Variants in AGBL1 observed in about 807,000 individuals in gnomAD.
AGBL1 encodes the protein cytosolic carboxypeptidase 4.
In AGBL1, 130 loss-of-function variants were observed where a neutral mutation model predicts 118.9. The ratio of observed to expected loss-of-function variants is 1.09; its 90% CI spans 0.95 to 1.26. The LOEUF is 1.26. Ranked by LOEUF, AGBL1 falls within the 50% of genes most tolerant of loss-of-function variation. The pLI, the probability that AGBL1 is intolerant of heterozygous loss-of-function variation, is 0.00. For synonymous variants in AGBL1, 555 were observed against 478.9 expected, an observed-to-expected ratio of 1.16 and a Z score of -2.08; for missense variants, 1,584 against 1,298.1, an observed-to-expected ratio of 1.22 and a Z score of -3.38.
chr15:86,851,516 G>T (rs1054174301), intron 22 of AGBL1, among the ~76,000 whole-genome samples: 1 of 152,148 alleles, frequency 6.6e-6, no homozygotes, highest in Non-Finnish European at 1.5e-5. Context: ...CATTCAGTGG[G>T]CACAACTTTC....
At chr15:86,728,631 T>G (rs1333190846) in intron 22 of AGBL1, among the ~76,000 whole-genome samples, 1 of 152,220 alleles carries the variant, frequency 6.6e-6, no homozygotes, top group Non-Finnish European at 1.5e-5. Context: ...ATGAATTGTT[T>G]TGCATTAAGT....
At chr15:86,886,672 T>C (rs546630025) in intron 22 of AGBL1, among the ~76,000 whole-genome samples, 18 of 152,278 alleles carry the variant, frequency 1.2e-4, no homozygotes, top group Non-Finnish European at 2.2e-4. Context: ...ATCATGGATG[T>C]TTTTATGGAG....
intron 16 of AGBL1, among the ~76,000 whole-genome samples, chr15:86,282,345 T>C (rs1474706957): frequency 1.3e-5 from 2 of 152,228 alleles, no homozygotes; most frequent in Non-Finnish European, 2.9e-5. Context: ...TATTAATAAC[T>C]ATTACTGTTA....
At chr15:86,147,793 G>T (rs1156909450) in intron 3 of AGBL1, among the ~76,000 whole-genome samples, 1 of 152,224 alleles carries the variant, frequency 6.6e-6, no homozygotes, top group Non-Finnish European at 1.5e-5. Context: ...AGAACAGACA[G>T]ACTGCCTCCT....
At chr15:86,881,626 G>C (rs2079892643) in intron 22 of AGBL1, among the ~76,000 whole-genome samples, 1 of 152,074 alleles carries the variant, frequency 6.6e-6, no homozygotes, top group African/African-American at 2.4e-5. Flanking sequence ...GATGGCAGAG[G>C]GGGTAGTGCT....
chr15:86,156,369 C>T lies in AGBL1; in HGVS notation c.394+1808C>T, dbSNP rs553494365. 1.3e-3 allele frequency among the ~76,000 whole-genome samples: 204 copies of T among 152,266 alleles called. 1 individual carries two copies. Among genetic ancestry groups the T allele is most frequent in the South Asian group, 2.7e-3 (13 of 4,814 alleles). ...CTATGCTTGGGCATCCTTGATGTTTCTTTGTGTGTCCAAATTCTCCCTTCT... is the reference window on the plus strand; with the variant it reads ...CTATGCTTGGGCATCCTTGATGTTTTTTTGTGTGTCCAAATTCTCCCTTCT... On this transcript the variant is annotated intron_variant, in intron 4 of 22. Coordinates refer to ENST00000614907, the MANE Select transcript of AGBL1 (RefSeq NM_001386094.1).
intron 17 of AGBL1, among the ~76,000 whole-genome samples, chr15:86,395,292 T>C (rs2081346734): frequency 2.0e-5 from 3 of 152,068 alleles, no homozygotes; most frequent in Admixed American, 2.0e-4. Flanking sequence ...TCATCGACTT[T>C]TGCGCCACTG....
chr15:86,354,936 T>G (rs577825148), intron 17 of AGBL1, among the ~76,000 whole-genome samples: 5 of 152,094 alleles, frequency 3.3e-5, no homozygotes, highest in Non-Finnish European at 7.4e-5. Context: ...TGAAACAAAC[T>G]TGATGTGCTG....
chr15:86,569,344 A>G (rs2083966727), intron 21 of AGBL1, among the ~76,000 whole-genome samples: 1 of 151,974 alleles, frequency 6.6e-6, no homozygotes. Context: ...GGTTACGGTG[A>G]ACTGAGATCA....
intron 23 of AGBL1, among the ~76,000 whole-genome samples, chr15:86,929,977 G>T (rs527655751): frequency 6.6e-6 from 1 of 152,154 alleles, no homozygotes; most frequent in Admixed American, 6.5e-5. Context: ...CTAATATTTT[G>T]GTAAGCACAT....
chr15:86,131,685 C>T (rs997465310), intron 1 of AGBL1, among the ~76,000 whole-genome samples: 19 of 152,056 alleles, frequency 1.2e-4, no homozygotes, highest in African/African-American at 3.6e-4. Context: ...CGGTGGCTCA[C>T]GCCTGTAAAT....
intron 17 of AGBL1, among the ~76,000 whole-genome samples, chr15:86,383,008 T>C (rs546692394): frequency 1.3e-5 from 2 of 152,208 alleles, no homozygotes; most frequent in South Asian, 4.2e-4. Flanking sequence ...TTTGAACAGC[T>C]CTGCTCTGGT....
At chr15:86,196,906 C>T (rs1054737992) in intron 5 of AGBL1, among the ~76,000 whole-genome samples, 27 of 151,648 alleles carry the variant, frequency 1.8e-4, no homozygotes, top group African/African-American at 6.3e-4. Context: ...CACACACACA[C>T]ACACACACAC....
At chr15:86,885,135 C>G (rs1437897586) in intron 22 of AGBL1, among the ~76,000 whole-genome samples, 1 of 137,720 alleles carries the variant, frequency 7.3e-6, no homozygotes, top group Non-Finnish European at 1.6e-5. Context: ...CATACATATA[C>G]TGTTCTTTGT....
intron 22 of AGBL1, among the ~76,000 whole-genome samples, chr15:86,765,687 A>G (rs1164622874): frequency 6.6e-6 from 1 of 152,020 alleles, no homozygotes; most frequent in Non-Finnish European, 1.5e-5. Context: ...AAGAATGACT[A>G]GACTTCGGCT....
chr15:86,478,212 G>C (rs1429963487), intron 18 of AGBL1, among the ~76,000 whole-genome samples: 1 of 152,146 alleles, frequency 6.6e-6, no homozygotes, highest in Non-Finnish European at 1.5e-5. Flanking sequence ...ACTGAACATA[G>C]TGTTGGAAGT....
chr15:86,790,423 T>A (rs1213688156), intron 22 of AGBL1, among the ~76,000 whole-genome samples: 2 of 151,540 alleles, frequency 1.3e-5, no homozygotes, highest in East Asian at 3.9e-4. Context: ...TAAAAAAACT[T>A]TCTCTCCCCA....
At chr15:86,250,075 T>C (rs1236071189) in intron 7 of AGBL1, among the ~76,000 whole-genome samples, 1 of 152,144 alleles carries the variant, frequency 6.6e-6, no homozygotes, top group Non-Finnish European at 1.5e-5. Context: ...AAGTATGATA[T>C]GGAAAAGCAG....
intron 18 of AGBL1, among the ~76,000 whole-genome samples, chr15:86,410,839 T>TATATATATAA (rs1311325970): frequency 4.4e-5 from 3 of 68,154 alleles, no homozygotes; most frequent in Non-Finnish European, 8.1e-5. Flanking sequence ...TATATATATA[T>TATATATATAA]ATAATATACT....
Sources: allele counts gnomAD v4.1 joint callset (sites outside exome capture counted in the v4.1 genomes callset), GRCh38; gene constraint gnomAD v4.1.1; transcripts MANE v1.5; gene names NCBI Gene and HGNC (gene_info 2026-07-23, HGNC 2026-07-21).